DPEP1: variants seen among roughly 807,000 people sequenced by gnomAD.
DPEP1 encodes the protein dipeptidase 1, also known as beta-lactamase.
A neutral mutation model predicts 42.3 loss-of-function variants in DPEP1; 50 were observed. The observed-to-expected ratio is 1.18, with a 90% CI of 0.94 to 1.50. DPEP1 has a LOEUF of 1.50. DPEP1 is among the 40% of genes most tolerant of loss of function. The probability of loss-of-function intolerance (pLI) is 0.00; values close to 1 mark genes in which losing one functional copy is unlikely to be tolerated. For missense variants in DPEP1, 663 were observed against 553.0 expected (o/e 1.20, Z -1.99); for synonymous variants, 297 against 234.0 (o/e 1.27, Z -2.46).
chr16:89,620,258 T>G (rs2059432282), intron 1 of DPEP1, among the ~76,000 whole-genome samples: 1 of 151,614 alleles, frequency 6.6e-6, no homozygotes, highest in Non-Finnish European at 1.5e-5. Flanking sequence ...TCCGAGGGAG[T>G]CAGGGAGGTG....
chr16:89,625,989 C>T lies in DPEP1; in HGVS notation c.-106-4316C>T, dbSNP rs564972647. Among the ~76,000 whole-genome samples, 10 of 152,316 alleles carry T rather than the reference C, an allele frequency of 6.6e-5. No individual in the cohort carries two copies. The South Asian group carries it at 2.1e-3, about 32-fold the overall frequency. Reference sequence around the variant, plus strand: ...GAATTAAGTCCGTGGCTTTGAGCCTCAGAAACGGTGCAAAATGCAGTCCAC... The same window carrying T: ...GAATTAAGTCCGTGGCTTTGAGCCTTAGAAACGGTGCAAAATGCAGTCCAC... On this transcript the variant is annotated intron_variant, in intron 1 of 10. Transcript: ENST00000690203.
intron 1 of DPEP1, among the ~76,000 whole-genome samples, chr16:89,616,186 G>C (rs868306293): frequency 1.3e-5 from 2 of 152,124 alleles, no homozygotes; most frequent in African/African-American, 2.4e-5. Flanking sequence ...TCAGGTGGGT[G>C]GGGGAGTCAG....
chr16:89,627,204 C>A (rs1036174791), intron 1 of DPEP1, among the ~76,000 whole-genome samples: 1 of 147,636 alleles, frequency 6.8e-6, no homozygotes, highest in African/African-American at 2.5e-5. Context: ...ACCCGGGAGG[C>A]AGAGCTTGCA....
At chr16:89,621,314 T>A (rs1162485814) in intron 1 of DPEP1, among the ~76,000 whole-genome samples, 1 of 108,554 alleles carries the variant, frequency 9.2e-6, no homozygotes, top group Non-Finnish European at 1.9e-5. Flanking sequence ...CTGGGCAGGG[T>A]GAGGAGGGAT....
At chr16:89,637,110 A>C (rs1055359152) in intron 6 of DPEP1, 94 bp from the exon 7 acceptor site, 2 of 1,540,794 alleles carry the variant, frequency 1.3e-6, no homozygotes, top group African/African-American at 2.7e-5. Context: ...ACTTCCAGCC[A>C]CGAAGGATGA....
chr16:89,618,416 C>T (rs1219449543), intron 1 of DPEP1, among the ~76,000 whole-genome samples: 1 of 152,116 alleles, frequency 6.6e-6, no homozygotes, highest in Admixed American at 6.5e-5. Flanking sequence ...GGGGGTCTCC[C>T]TATGTTTCCC....
In DPEP1 at chr16:89,613,984, C is replaced by G. The variant is rs377016159; in HGVS notation, c.-107+265C>G. Among the ~76,000 whole-genome samples, 526 of 78,886 alleles carry G rather than the reference C, an allele frequency of 6.7e-3. 10 individuals carry two copies. The East Asian group carries it at 0.21, about 32-fold the overall frequency. The allele number at this position is 78,886 out of a possible 152,430, so 51.8% of individuals were successfully genotyped here. ...GCTTCCTGGGATTCTAGGAGGCTGGCACCAGGTGTGTGGGGCAGGGGACGC... is the reference window on the plus strand; with the variant it reads ...GCTTCCTGGGATTCTAGGAGGCTGGGACCAGGTGTGTGGGGCAGGGGACGC... On this transcript the variant is annotated intron_variant, in intron 1 of 10. Transcript: ENST00000690203.
chr16:89,636,550 C>G lies in DPEP1; in HGVS notation c.388C>G (p.Arg130Gly). The G allele has an allele frequency of 3.7e-6, 6 of 1,612,398 alleles. No individual in the cohort carries two copies. The highest frequency in any genetic ancestry group is 5.1e-6 in the Non-Finnish European group (6 of 1,179,868). The change falls in exon 5 of 11, where the codon CGG becomes GGG. Residue 130 changes from arginine to glycine, a missense_variant. Physicochemically the swap from Arg to Gly is moderately radical, Grantham distance 125. Coordinates refer to ENST00000690203, the MANE Select transcript of DPEP1 (RefSeq NM_001389466.1). ...CCCCGCAGGCATTCGGCAGGCCTTC[C>G]GGGAAGGGAAGGTGGCCAGCCTGAT... ...TSSAGIRQAF[R>G]EGKVASLIGV...
chr16:89,616,534 C>A (rs2059380551), intron 1 of DPEP1, among the ~76,000 whole-genome samples: 1 of 152,182 alleles, frequency 6.6e-6, no homozygotes. Context: ...GAGGACAGGG[C>A]GATTGCTCCA....
intron 1 of DPEP1, among the ~76,000 whole-genome samples, chr16:89,614,694 C>T (rs964754626): frequency 3.3e-5 from 5 of 152,212 alleles, no homozygotes; most frequent in Non-Finnish European, 7.3e-5. Flanking sequence ...ACTCGGGAGG[C>T]TGAAGCAGGA....
At chr16:89,615,491 A>G (rs1199179539) in intron 1 of DPEP1, among the ~76,000 whole-genome samples, 1 of 152,176 alleles carries the variant, frequency 6.6e-6, no homozygotes, top group African/African-American at 2.4e-5. Context: ...AGAGTAGGAG[A>G]CAGGGGTAAC....
At chr16:89,640,111 C>T (rs1324945349), downstream of DPEP1, among the ~76,000 whole-genome samples, 1 of 152,190 alleles carries the variant, frequency 6.6e-6, no homozygotes, top group Non-Finnish European at 1.5e-5. Context: ...ACCAGGTCCT[C>T]CTAGGTGGAG....
chr16:89,623,489 A>G (rs1384015724), intron 1 of DPEP1, among the ~76,000 whole-genome samples: 1 of 152,160 alleles, frequency 6.6e-6, no homozygotes, highest in Non-Finnish European at 1.5e-5. Flanking sequence ...TGCAAACCCA[A>G]CAGAAGGTCC....
In DPEP1 at chr16:89,637,665, C is replaced by A. The variant is rs375079646; in HGVS notation, c.887C>A (p.Ala296Asp). 2.6e-5 allele frequency: 42 copies of A among 1,612,898 alleles called. No individual in the cohort carries two copies. Among genetic ancestry groups the A allele is most frequent in the Non-Finnish European group, 3.4e-5 (40 of 1,179,998 alleles). ...HLDHIKEVAG[A>D]RAVGFGGDFD... ...GATCACATCAAGGAGGTGGCAGGAG[C>A]CAGAGCCGTGGGTTTTGGTGGGGAC... The change falls in exon 9 of 11, where the codon GCC (alanine) becomes GAC (aspartate). Residue 296 changes from alanine to aspartate, a missense_variant. Physicochemically the swap from Ala to Asp is moderately radical, Grantham distance 126 (BLOSUM62 -2). Coordinates refer to ENST00000690203, the MANE Select transcript of DPEP1 (RefSeq NM_001389466.1).
Position 89,630,346 on chromosome 16 carries a change from G to T in DPEP1, c.-65G>T, listed in dbSNP as rs904248871. The T allele has an allele frequency of 2.2e-6, 3 of 1,387,442 alleles. No homozygotes were observed. 85.9% of individuals were successfully genotyped at this position (1,387,442 alleles called of 1,614,324 possible). A position where few individuals can be genotyped will look rare whatever the true frequency, so the allele number is the denominator to read the frequency against. ...CAGCCTGAAGCTCATCCTTCTGCACGGGCCAGCCAGGCCAGCACAGAGGCA... is the reference window on the plus strand; with the variant it reads ...CAGCCTGAAGCTCATCCTTCTGCACTGGCCAGCCAGGCCAGCACAGAGGCA... On this transcript the variant is annotated 5_prime_UTR_variant, in exon 2 of 11. Transcript: ENST00000690203.
downstream of DPEP1, chr16:89,640,695 C>T (rs1366947667): frequency 3.2e-6 from 3 of 950,902 alleles, no homozygotes; most frequent in African/African-American, 1.8e-5. Context: ...CGGGGGGTCC[C>T]TGGTGGGCTG....
At chr16:89,633,157 A>G (rs927137434) in intron 2 of DPEP1, among the ~76,000 whole-genome samples, 3 of 152,138 alleles carry the variant, frequency 2.0e-5, no homozygotes, top group Admixed American at 6.5e-5. Context: ...GCACCTAGCG[A>G]TGAGGCTGCT....
At chr16:89,620,992 A>G (rs2059441001) in intron 1 of DPEP1, among the ~76,000 whole-genome samples, 1 of 152,066 alleles carries the variant, frequency 6.6e-6, no homozygotes, top group Non-Finnish European at 1.5e-5. Flanking sequence ...GTCTCAGAGG[A>G]TGGAACCGGG....
intron 1 of DPEP1, among the ~76,000 whole-genome samples, chr16:89,629,756 C>G (rs923415605): frequency 6.6e-6 from 1 of 152,316 alleles, no homozygotes; most frequent in East Asian, 1.9e-4. Flanking sequence ...GCCTGAAGCT[C>G]TGTAGCTGGA....
Sources: allele counts gnomAD v4.1 joint callset (sites outside exome capture counted in the v4.1 genomes callset), GRCh38; gene constraint gnomAD v4.1.1; transcripts MANE v1.5; gene names NCBI Gene and HGNC (gene_info 2026-07-23, HGNC 2026-07-21).